RARB: variants seen among roughly 807,000 people sequenced by gnomAD.
RARB encodes the protein HBV-activated protein.
A neutral mutation model predicts 51.9 loss-of-function variants in RARB; 17 were observed. The observed-to-expected ratio is 0.33, with a 90% confidence interval of 0.22 to 0.49. RARB has a LOEUF of 0.49. RARB is among the 20% of genes least tolerant of loss of function. The pLI is 0.99. For missense variants in RARB, 369 were observed against 550.8 expected (o/e 0.67, Z 3.30); for synonymous variants, 215 against 195.4 (o/e 1.10, Z -0.84).
intron 5 of RARB, among the ~76,000 whole-genome samples, chr3:25,390,673 A>T (rs1479009540): frequency 6.6e-6 from 1 of 152,202 alleles, no homozygotes; most frequent in Non-Finnish European, 1.5e-5. Context: ...CATATTTATC[A>T]AGTTTGGGCT....
At chr3:24,993,252 T>G (rs76478639) in intron 2 of RARB, among the ~76,000 whole-genome samples, 5,875 of 152,298 alleles carry the variant, frequency 0.039, 139 homozygotes, top group Middle Eastern at 0.061. Context: ...GACAACCTTT[T>G]ACATAAATTA....
intron 2 of RARB, among the ~76,000 whole-genome samples, chr3:25,482,797 C>T (rs950369669): frequency 1.3e-5 from 2 of 151,990 alleles, no homozygotes; most frequent in Non-Finnish European, 2.9e-5. Context: ...GCTCGGCCTC[C>T]CAAAGTGCTG....
At chr3:25,240,533 T>A (rs1287965469) in intron 5 of RARB, among the ~76,000 whole-genome samples, 1 of 152,176 alleles carries the variant, frequency 6.6e-6, no homozygotes, top group East Asian at 1.9e-4. Flanking sequence ...GATAGTTTTT[T>A]ATCATGAAGC....
At chr3:25,023,954 A>G (rs1326246220) in intron 2 of RARB, among the ~76,000 whole-genome samples, 6 of 152,160 alleles carry the variant, frequency 3.9e-5, no homozygotes, top group Admixed American at 3.9e-4. Context: ...GAGTCTTACC[A>G]TTAACTCTGT....
intron 5 of RARB, among the ~76,000 whole-genome samples, chr3:25,297,713 T>C (rs1318596266): frequency 6.6e-6 from 1 of 152,150 alleles, no homozygotes; most frequent in Non-Finnish European, 1.5e-5. Flanking sequence ...GATGGTCCCA[T>C]TTTTTCCCCT....
At chr3:25,128,611 T>C (rs1445027837) in intron 3 of RARB, among the ~76,000 whole-genome samples, 1 of 151,838 alleles carries the variant, frequency 6.6e-6, no homozygotes, top group Non-Finnish European at 1.5e-5. Flanking sequence ...ATTTACATTT[T>C]ACCTTTGTGA....
chr3:25,213,745 G>A (rs1309548657), intron 5 of RARB, among the ~76,000 whole-genome samples: 1 of 152,202 alleles, frequency 6.6e-6, no homozygotes, highest in Non-Finnish European at 1.5e-5. Flanking sequence ...GTTTAGGAGT[G>A]CTTAGCTTTC....
intron 7 of RARB, 47 bp from the exon 8 acceptor site, chr3:25,596,373 G>A (rs1268903241): frequency 1.3e-6 from 2 of 1,485,426 alleles, no homozygotes; most frequent in Admixed American, 3.4e-5. Flanking sequence ...ATCTGTCATA[G>A]CTTAACTCCT....
chr3:24,954,626 A>G (rs529673210), intron 2 of RARB, among the ~76,000 whole-genome samples: 2 of 152,268 alleles, frequency 1.3e-5, no homozygotes, highest in East Asian at 3.9e-4. Flanking sequence ...ATTTAGGTTC[A>G]CCCCATTACA....
intron 3 of RARB, among the ~76,000 whole-genome samples, chr3:25,099,521 A>G (rs1699359326): frequency 6.6e-6 from 1 of 151,972 alleles, no homozygotes; most frequent in South Asian, 2.1e-4. Flanking sequence ...GTATCATTGA[A>G]TCAAATTACA....
At chr3:25,000,762 A>G (rs1697142505) in intron 2 of RARB, among the ~76,000 whole-genome samples, 1 of 152,132 alleles carries the variant, frequency 6.6e-6, no homozygotes, top group Non-Finnish European at 1.5e-5. Context: ...TTACTTCAAA[A>G]ATCTGTCAGT....
chr3:25,285,189 A>G (rs1323938094), intron 5 of RARB, among the ~76,000 whole-genome samples: 3 of 152,236 alleles, frequency 2.0e-5, no homozygotes, highest in African/African-American at 7.2e-5. Flanking sequence ...AAGTAAAGAA[A>G]TTGTCCTAGC....
intron 2 of RARB, among the ~76,000 whole-genome samples, chr3:25,005,955 A>G (rs4858678): frequency 0.22 from 33,997 of 152,008 alleles, 4,734 homozygotes; most frequent in Admixed American, 0.36. Context: ...CCTTTCTTAT[A>G]TACTCCAGTT....
intron 2 of RARB, among the ~76,000 whole-genome samples, chr3:24,912,710 A>G (rs566638369): frequency 6.6e-6 from 1 of 152,188 alleles, no homozygotes; most frequent in South Asian, 2.1e-4. Flanking sequence ...TGATTAAACT[A>G]AGTTGCATTT....
intron 2 of RARB, among the ~76,000 whole-genome samples, chr3:24,876,999 A>G (rs566099855): frequency 6.6e-6 from 1 of 152,326 alleles, no homozygotes; most frequent in African/African-American, 2.4e-5. Context: ...CTTAGGACTC[A>G]GAGCTAATAG....
intron 4 of RARB, among the ~76,000 whole-genome samples, chr3:25,138,307 A>G (rs1485520866): frequency 6.6e-6 from 1 of 151,786 alleles, no homozygotes; most frequent in African/African-American, 2.4e-5. Context: ...TCTGTGATAC[A>G]ACCTTTTGAA....
At chr3:24,985,728 C>G (rs1696775536) in intron 2 of RARB, among the ~76,000 whole-genome samples, 1 of 152,164 alleles carries the variant, frequency 6.6e-6, no homozygotes, top group South Asian at 2.1e-4. Flanking sequence ...ATGAGCCATG[C>G]CTTCTCCAGA....
At chr3:24,894,700 G>A (rs188934218) in intron 2 of RARB, among the ~76,000 whole-genome samples, 1 of 152,296 alleles carries the variant, frequency 6.6e-6, no homozygotes, top group East Asian at 1.9e-4. Flanking sequence ...CTCTTGGCTA[G>A]CGATGACAAA....
intron 3 of RARB, among the ~76,000 whole-genome samples, chr3:25,064,699 G>C (rs553167471): frequency 1.3e-5 from 2 of 152,114 alleles, no homozygotes; most frequent in African/African-American, 4.8e-5. Context: ...AGGAAACTAA[G>C]GTTCTGAGAC....
Sources: gnomAD v4.1 joint callset for allele counts (sites outside exome capture counted in the v4.1 genomes callset) on GRCh38, gnomAD v4.1.1 for gene constraint, MANE v1.5 for transcripts, NCBI Gene and HGNC (gene_info 2026-07-23, HGNC 2026-07-21) for gene names.